The following SGIP1 variants were observed in gnomAD, a reference collection of about 807,000 sequenced individuals.
The protein encoded by SGIP1 is SH3-containing GRB2-like protein 3-interacting protein 1.
SGIP1 carries 38 observed loss-of-function variants against 107.5 expected under a neutral mutation model. The ratio of observed to expected loss-of-function variants is 0.35; its 90% CI spans 0.27 to 0.46. The LOEUF is 0.46. Ranked by LOEUF, SGIP1 falls within the 20% of genes least tolerant of loss-of-function variation. SGIP1 has a pLI of 1.00. For synonymous variants in SGIP1, 365 were observed against 366.1 expected, an observed-to-expected ratio of 1.00 and a Z score of 0.03; for missense variants, 929 against 1,019.5, an observed-to-expected ratio of 0.91 and a Z score of 1.21.
In SGIP1 at chr1:66,660,009, A is replaced by AGGAAG. The variant is rs1277847173; in HGVS notation, c.460-503_460-502insGAAGG. The stretch of plus-strand genomic sequence containing the variant: ...AAGAAAGAAAGAAAGACAGACAGAC[A>AGGAAG]GACAGACAGGAAGGAAGGAAGGAAG... On this transcript the variant is annotated intron_variant, in intron 7 of 24. Coordinates refer to ENST00000371037, the MANE Select transcript of SGIP1 (RefSeq NM_032291.4). 3.6e-3 allele frequency: 295 copies of AGGAAG among 81,514 alleles called. 44 individuals carry two copies. The highest frequency in any genetic ancestry group is 0.017 in the African/African-American group (228 of 13,454). The allele number at this position is 81,514 out of a possible 1,614,324, so 5.0% of individuals were successfully genotyped here. A position where few individuals can be genotyped will look rare whatever the true frequency, so the allele number is the denominator to read the frequency against.
chr1:66,739,511 C>T lies in SGIP1; in HGVS notation c.2208C>T (p.Leu736=). The part of the protein sequence containing the change: ...LVPIDGGVTK[L]QAVLPPAVWN... ...CCATCGACGGAGGAGTCACCAAGCT[C>T]CAGGCAGTGCTCCCACCAGCAGTCT... The change falls in exon 22 of 25, where the codon CTC becomes CTT. Residue 736 remains leucine, a synonymous_variant. Transcript: ENST00000371037. The T allele has an allele frequency of 6.2e-7, 1 of 1,614,032 alleles. No individual in the cohort carries two copies. The highest frequency in any genetic ancestry group is 8.5e-7 in the Non-Finnish European group (1 of 1,180,036).
chr1:66,630,910 G>A (rs1342900843), intron 2 of SGIP1, among the ~76,000 whole-genome samples: 64 of 46,246 alleles, frequency 1.4e-3, no homozygotes, highest in Non-Finnish European at 1.7e-3. Context: ...AAAGAAGGGA[G>A]GGAGGGAGGG....
intron 19 of SGIP1, among the ~76,000 whole-genome samples, chr1:66,728,744 C>G (rs573480292): frequency 6.6e-6 from 1 of 152,216 alleles, no homozygotes; most frequent in Admixed American, 6.5e-5. Flanking sequence ...AAATGTGTTA[C>G]ATATACACCA....
rs557587537 is a variant in SGIP1, at chr1:66,695,469, G to A, written c.1606G>A (p.Gly536Arg). 1 of 1,613,948 alleles carries A rather than the reference G, an allele frequency of 6.2e-7. No individual in the cohort carries two copies. Among genetic ancestry groups the A allele is most frequent in the South Asian group, 1.1e-5 (1 of 91,062 alleles). The change falls in exon 18 of 25, where the codon GGA becomes AGA. Residue 536 changes from glycine (G) to arginine (R), a missense_variant. Around this residue, in one of 2 missense-constraint regions of SGIP1, gnomAD observed 341 missense variants for 430.9 expected, o/e 0.79. Coordinates refer to ENST00000371037, the MANE Select transcript of SGIP1 (RefSeq NM_032291.4). ...EQPSLVWFDR[G>R]KFYLTFEGSS... is the part of the protein sequence containing the mutation. ...GCCTTCCCTCGTTTGGTTTGACAGA[G>A]GAAAGTTTTATTTGACTTTTGAAGG...
chr1:66,621,281 T>A (rs1435715967), intron 1 of SGIP1, among the ~76,000 whole-genome samples: 1 of 152,194 alleles, frequency 6.6e-6, no homozygotes, highest in Non-Finnish European at 1.5e-5. Flanking sequence ...CTGACAACTT[T>A]GGCAAAACAA....
chr1:66,722,431 A>T (rs1389550199), intron 19 of SGIP1, among the ~76,000 whole-genome samples: 3 of 152,098 alleles, frequency 2.0e-5, no homozygotes, highest in Non-Finnish European at 4.4e-5. Flanking sequence ...CCCCACTAGA[A>T]TGTAAATACC....
chr1:66,674,743 G>A (rs1380447506), intron 12 of SGIP1, among the ~76,000 whole-genome samples: 1 of 152,206 alleles, frequency 6.6e-6, no homozygotes, highest in African/African-American at 2.4e-5. Flanking sequence ...TCAGAAGAAA[G>A]GAAGTGGGGT....
At chr1:66,728,276 C>T (rs1368741548) in intron 19 of SGIP1, among the ~76,000 whole-genome samples, 2 of 152,092 alleles carry the variant, frequency 1.3e-5, no homozygotes, top group Non-Finnish European at 2.9e-5. Flanking sequence ...TAACATTGTA[C>T]AATATACTAT....
At chr1:66,634,032 T>C in intron 3 of SGIP1, 1 of 1,493,818 alleles carries the variant, frequency 6.7e-7, no homozygotes, top group Non-Finnish European at 9.2e-7. Flanking sequence ...GAAAATAGAC[T>C]GAAATTGATC....
intron 1 of SGIP1, among the ~76,000 whole-genome samples, chr1:66,624,186 G>A (rs1305273808): frequency 1.3e-5 from 2 of 152,096 alleles, no homozygotes; most frequent in Non-Finnish European, 2.9e-5. Context: ...TGAGCTCGAA[G>A]CTAAAACAGA....
In SGIP1 at chr1:66,743,176, G is replaced by A; in HGVS notation, c.*81G>A. The A allele has an allele frequency of 6.8e-7, 1 of 1,461,712 alleles. No homozygotes were observed. The highest frequency in any genetic ancestry group is 2.3e-5 in the East Asian group (1 of 43,708). The allele number at this position is 1,461,712 out of a possible 1,614,324, so 90.5% of individuals were successfully genotyped here. A position where few individuals can be genotyped will look rare whatever the true frequency, so the allele number is the denominator to read the frequency against. ...AAACAGATTTTAATTTTGGTTTGAT[G>A]AAAACAAACCAATATCTGCACTTGG... On this transcript the variant is annotated 3_prime_UTR_variant, in exon 25 of 25. Coordinates refer to ENST00000371037, the MANE Select transcript of SGIP1 (RefSeq NM_032291.4).
rs1233141011 is a variant in SGIP1 at position 66,746,244 on chromosome 1, T to A, written c.*3149T>A. ...AATCACTGCCCTTTTCAGTTTCTCA[T>A]CTTTAGAATGGGGAGTTGGGATTGC... On this transcript the variant is annotated 3_prime_UTR_variant, in exon 25 of 25. Transcript: ENST00000371037. 1 of 152,182 alleles carries A rather than the reference T, an allele frequency of 6.6e-6. No individual in the cohort carries two copies. Among genetic ancestry groups the A allele is most frequent in the Non-Finnish European group, 1.5e-5 (1 of 67,990 alleles). 9.4% of individuals were successfully genotyped at this position (152,182 alleles called of 1,614,324 possible).
chr1:66,602,220 G>A lies in SGIP1; in HGVS notation c.11-23627G>A, dbSNP rs1389342372. Among the ~76,000 whole-genome samples the A allele has an allele frequency of 2.6e-5, 4 of 152,244 alleles. No individual in the cohort carries two copies. The East Asian group carries it at 7.7e-4, about 29-fold the overall frequency. Reference sequence around the variant, plus strand: ...ATCTGAAAGATTCAAAGTTTGGGTGGGTGACAGAAAGAACCTTGTCATAGG... The same window carrying A: ...ATCTGAAAGATTCAAAGTTTGGGTGAGTGACAGAAAGAACCTTGTCATAGG... On this transcript the variant is annotated intron_variant, in intron 1 of 24. Coordinates refer to ENST00000371037, the MANE Select transcript of SGIP1 (RefSeq NM_032291.4).
In SGIP1 at chr1:66,749,097, G is replaced by A. The variant is rs911363951; in HGVS notation, c.*6002G>A. On this transcript the variant is annotated 3_prime_UTR_variant, in exon 25 of 25. Transcript: ENST00000371037. ...TTTTAAATTTCATTAGTATCTCTTA[G>A]TGAATTTAACTTTATCATCTAAAAT... Among the ~76,000 whole-genome samples the A allele has an allele frequency of 2.6e-5, 4 of 151,806 alleles. No individual in the cohort carries two copies. The highest frequency in any genetic ancestry group is 2.9e-5 in the Non-Finnish European group (2 of 67,848).
At chr1:66,585,139 A>G (rs1027290200) in intron 1 of SGIP1, among the ~76,000 whole-genome samples, 3 of 152,164 alleles carry the variant, frequency 2.0e-5, no homozygotes, top group African/African-American at 7.2e-5. Flanking sequence ...ACCTCTGGTC[A>G]CAGGATGATT....
Position 66,691,131 on chromosome 1 carries a change from C to T in SGIP1, c.1570+815C>T, listed in dbSNP as rs113736803. On this transcript the variant is annotated intron_variant, in intron 17 of 24. Coordinates refer to ENST00000371037, the MANE Select transcript of SGIP1 (RefSeq NM_032291.4). ...TCCCATTCCATTTTTCCCATGGGAT[C>T]CCCGTTCCCCATTGTCTTCCTTTAT... 4.7e-3 allele frequency among the ~76,000 whole-genome samples: 714 copies of T among 152,268 alleles called. 6 individuals carry two copies. Among genetic ancestry groups the T allele is most frequent in the African/African-American group, 0.016 (660 of 41,550 alleles).
At chr1:66,715,379 T>A (rs1332029996) in intron 18 of SGIP1, among the ~76,000 whole-genome samples, 1 of 152,100 alleles carries the variant, frequency 6.6e-6, no homozygotes, top group Non-Finnish European at 1.5e-5. Context: ...TTTGTTGTTT[T>A]CTGTGTTTCT....
At chr1:66,625,138 G>A (rs1266440458) in intron 1 of SGIP1, among the ~76,000 whole-genome samples, 1 of 152,166 alleles carries the variant, frequency 6.6e-6, no homozygotes, top group African/African-American at 2.4e-5. Flanking sequence ...CATTTTGTGG[G>A]GAGCATAGAG....
intron 7 of SGIP1, among the ~76,000 whole-genome samples, chr1:66,646,223 T>C (rs1017214323): frequency 6.6e-6 from 1 of 152,106 alleles, no homozygotes; most frequent in Non-Finnish European, 1.5e-5. Flanking sequence ...ATCCAGCTGG[T>C]GCCATGATCA....
Sources: gnomAD v4.1 joint callset for allele counts (sites outside exome capture counted in the v4.1 genomes callset) on GRCh38, gnomAD v4.1.1 for gene constraint, gnomAD v4.1.1 regional missense constraint, MANE v1.5 for transcripts, NCBI Gene and HGNC (gene_info 2026-07-23, HGNC 2026-07-21) for gene names.